The following KDM4B variants were observed in gnomAD, a reference collection of about 807,000 sequenced individuals.
KDM4B encodes lysine-specific demethylase 4B.
A neutral mutation model predicts 125.2 loss-of-function variants in KDM4B; 32 were observed. The ratio of observed to expected loss-of-function variants is 0.26; its 90% CI spans 0.19 to 0.34. The LOEUF is 0.34. Among genes scored for constraint, KDM4B ranks in the 10% least tolerant of loss-of-function variants. KDM4B has a pLI of 1.00. For missense variants in KDM4B, 1,190 were observed against 1,577.7 expected (o/e 0.75, Z 4.16); for synonymous variants, 721 against 677.9 (o/e 1.06, Z -0.99).
At chr19:5,001,054 C>CA (rs944964812) in intron 1 of KDM4B, among the ~76,000 whole-genome samples, 2 of 150,572 alleles carry the variant, frequency 1.3e-5, no homozygotes, top group African/African-American at 4.9e-5. Flanking sequence ...TTTTTTGAGA[C>CA]AGAGTCTTTC....
intron 9 of KDM4B, among the ~76,000 whole-genome samples, chr19:5,086,923 A>C (rs2613780): frequency 0.041 from 6,281 of 152,270 alleles, 195 homozygotes; most frequent in Non-Finnish European, 0.068. Flanking sequence ...CCCGGCTGTA[A>C]AATCCCAGAG....
intron 9 of KDM4B, among the ~76,000 whole-genome samples, chr19:5,105,959 T>G (rs1319778769): frequency 6.6e-6 from 1 of 152,232 alleles, no homozygotes. Context: ...GCCTTCTCAA[T>G]AAAGAGATTT....
At position 5,150,394 on chromosome 19, in the gene KDM4B, C is replaced by T. The variant is rs148375932; in HGVS notation, c.3058C>T (p.Arg1020Cys). ...FEDGSQLTVK[R>C]GDIFTLEEEL... ...GGACGGGTCCCAGCTGACGGTGAAG[C>T]GTGGGGACATCTTCACCCTGGAGGA... Residue 1020 changes from arginine to cysteine, a missense_variant, in exon 22 of 23, where the codon CGT (arginine) becomes TGT (cysteine). Arg to Cys is a radical substitution (Grantham distance 180). Coordinates refer to ENST00000159111, the MANE Select transcript of KDM4B (RefSeq NM_015015.3). 77 of 1,551,224 alleles carry T rather than the reference C, an allele frequency of 5.0e-5. No individual in the cohort carries two copies. The highest frequency in any genetic ancestry group is 2.6e-4 in the African/African-American group (19 of 73,042).
intron 1 of KDM4B, among the ~76,000 whole-genome samples, chr19:4,976,794 G>A (rs1599336757): frequency 1.3e-5 from 2 of 152,306 alleles, no homozygotes; most frequent in Admixed American, 1.3e-4. Flanking sequence ...GGGGGACTGT[G>A]CCCGGCCACA....
intron 2 of KDM4B, among the ~76,000 whole-genome samples, chr19:5,031,867 G>T (rs539789657): frequency 1.3e-5 from 2 of 152,332 alleles, no homozygotes; most frequent in South Asian, 2.1e-4. Flanking sequence ...CTGTCTGGGC[G>T]GCTCCCTGCC....
At chr19:5,126,594 C>A (rs924463183) in intron 11 of KDM4B, among the ~76,000 whole-genome samples, 1 of 152,242 alleles carries the variant, frequency 6.6e-6, no homozygotes, top group Non-Finnish European at 1.5e-5. Context: ...GTGCTGCTCT[C>A]AGGAGAGGCC....
chr19:4,992,618 A>C (rs1323432634), intron 1 of KDM4B, among the ~76,000 whole-genome samples: 1 of 152,062 alleles, frequency 6.6e-6, no homozygotes, highest in Non-Finnish European at 1.5e-5. Flanking sequence ...TGGCTAATTT[A>C]AAAAATAATT....
intron 9 of KDM4B, among the ~76,000 whole-genome samples, chr19:5,090,335 CAGT>C (rs1242419964): frequency 2.0e-5 from 3 of 150,764 alleles, no homozygotes; most frequent in African/African-American, 7.3e-5. Context: ...AGAGCTGTCT[CAGT>C]GGTAACGTTC....
At chr19:4,984,587 G>A (rs1445596231) in intron 1 of KDM4B, among the ~76,000 whole-genome samples, 2 of 152,142 alleles carry the variant, frequency 1.3e-5, no homozygotes, top group Admixed American at 6.5e-5. Flanking sequence ...CGTACGCCTC[G>A]TCAGGTTTTC....
In KDM4B at chr19:5,144,299, C is replaced by T. The variant is rs1481864897; in HGVS notation, c.2788C>T (p.Arg930Cys). 2.3e-5 allele frequency: 36 copies of T among 1,592,910 alleles called. No individual in the cohort carries two copies. The highest frequency in any genetic ancestry group is 1.7e-4 in the Middle Eastern group (1 of 6,040). The change falls in exon 20 of 23, where the codon CGC becomes TGC. Residue 930 changes from arginine to cysteine, a missense_variant. Arg to Cys is a radical substitution (Grantham distance 180, BLOSUM62 -3). Around this residue, in one of 7 missense-constraint regions of KDM4B, gnomAD observed 298 missense variants for 439.7 expected, o/e 0.68. Transcript: ENST00000159111. ...AGGCCAGGTGGTCATCACCAAGAAC[C>T]GCAACGGGCTGTACTACCGCTGTCG... is the stretch of plus-strand genomic sequence containing the variant. ...SLGQVVITKN[R>C]NGLYYRCRVI... is the part of the protein sequence containing the mutation.
rs2039961048 is a variant in KDM4B at position 5,152,218 on chromosome 19, C to T, written c.*707C>T. On this transcript the variant is annotated 3_prime_UTR_variant, in exon 23 of 23. Coordinates refer to ENST00000159111, the MANE Select transcript of KDM4B (RefSeq NM_015015.3). ...GATGGTCTGGTGCCAGTGCCTGTGCCCACTCTGTGCCTGCTGGGAGGAGGC... is the reference window on the plus strand; with the variant it reads ...GATGGTCTGGTGCCAGTGCCTGTGCTCACTCTGTGCCTGCTGGGAGGAGGC... 6.6e-6 allele frequency: 1 copy of T among 152,238 alleles called. No homozygotes were observed. The highest frequency in any genetic ancestry group is 6.5e-5 in the Admixed American group (1 of 15,290). The allele number at this position is 152,238 out of a possible 1,614,324, so 9.4% of individuals were successfully genotyped here. A position where few individuals can be genotyped will look rare whatever the true frequency, so the allele number is the denominator to read the frequency against.
intron 3 of KDM4B, among the ~76,000 whole-genome samples, chr19:5,036,875 G>A (rs2036643654): frequency 1.3e-5 from 2 of 152,232 alleles, no homozygotes; most frequent in South Asian, 4.1e-4. Context: ...TCGGGTTTGA[G>A]CCCAGCTGGA....
intron 10 of KDM4B, among the ~76,000 whole-genome samples, chr19:5,118,369 G>A (rs55659054): frequency 0.2 from 30,560 of 152,180 alleles, 4,027 homozygotes; most frequent in East Asian, 0.61. Flanking sequence ...TGACGTGGCT[G>A]GATCTCAACT....
chr19:5,000,433 TCATC>T (rs144739599), intron 1 of KDM4B, among the ~76,000 whole-genome samples: 26 of 149,766 alleles, frequency 1.7e-4, no homozygotes, highest in East Asian at 1.2e-3. Context: ...ATCCATTTAT[TCATC>T]CATCCATCCA....
chr19:5,106,675 A>T (rs2039041604), intron 9 of KDM4B, among the ~76,000 whole-genome samples: 2 of 152,226 alleles, frequency 1.3e-5, no homozygotes, highest in Admixed American at 1.3e-4. Flanking sequence ...AGGCCCCCAG[A>T]GGTGCACTTG....
At chr19:5,122,465 G>A (rs2039379062) in intron 11 of KDM4B, among the ~76,000 whole-genome samples, 1 of 152,244 alleles carries the variant, frequency 6.6e-6, no homozygotes, top group Non-Finnish European at 1.5e-5. Flanking sequence ...CCTGCCACAT[G>A]CTTAGGCATT....
In KDM4B at chr19:5,076,134, CCGAG is replaced by C. The variant is rs2038101699; in HGVS notation, c.677-1232_677-1229del. The stretch of plus-strand genomic sequence containing the variant: ...CCCCAGGGTCGTGCTCTCTCGTTGA[CCGAG>C]TGACGAGAGCGGCCACACTGCATCC... On this transcript the variant is annotated intron_variant, in intron 7 of 22. Coordinates refer to ENST00000159111, the MANE Select transcript of KDM4B (RefSeq NM_015015.3). The C allele has an allele frequency of 1.5e-4, 14 of 91,296 alleles. No individual in the cohort carries two copies. In the South Asian group the frequency reaches 1.9e-3, roughly 12 times the overall value. The allele number at this position is 91,296 out of a possible 1,614,324, so 5.7% of individuals were successfully genotyped here.
rs372358024 is a variant in KDM4B, at chr19:5,126,277, T to G, written c.1316-4799T>G. Among the ~76,000 whole-genome samples, 8 of 152,202 alleles carry G rather than the reference T, an allele frequency of 5.3e-5. No individual in the cohort carries two copies. In the East Asian group the frequency reaches 1.5e-3, roughly 29 times the overall value. On this transcript the variant is annotated intron_variant, in intron 11 of 22. Coordinates refer to ENST00000159111, the MANE Select transcript of KDM4B (RefSeq NM_015015.3). The stretch of plus-strand genomic sequence containing the variant: ...CCCTATCCCATTCTTACTGGCTGCT[T>G]CAAGGTCTGGGAAGAGCGGCCGCCC...
At chr19:4,989,471 TG>T (rs558028510) in intron 1 of KDM4B, among the ~76,000 whole-genome samples, 208 of 151,246 alleles carry the variant, frequency 1.4e-3, no homozygotes, top group African/African-American at 4.4e-3. Context: ...CCCCAGTAGC[TG>T]GGATTACAGG....
Sources: allele counts gnomAD v4.1 joint callset (sites outside exome capture counted in the v4.1 genomes callset), GRCh38; gene constraint gnomAD v4.1.1; regional missense constraint gnomAD v4.1.1; transcripts MANE v1.5; gene names NCBI Gene and HGNC (gene_info 2026-07-23, HGNC 2026-07-21).